Variants in RCAN2 observed in about 807,000 individuals in gnomAD.
The protein encoded by RCAN2 is calcipressin-2.
Under a neutral mutation model 23.6 loss-of-function variants are expected in RCAN2, and 9 were observed. The ratio of observed to expected loss-of-function variants is 0.38; its 90% CI spans 0.23 to 0.67. The LOEUF (loss-of-function observed/expected upper bound fraction) is 0.67. RCAN2 is among the 30% of genes least tolerant of loss of function. The pLI is 0.51. For missense variants in RCAN2, 273 were observed against 302.3 expected (o/e 0.90, Z 0.72); for synonymous variants, 109 against 115.7 (o/e 0.94, Z 0.37).
At chr6:46,441,766 C>T (rs1414121561) in intron 2 of RCAN2, among the ~76,000 whole-genome samples, 1 of 152,036 alleles carries the variant, frequency 6.6e-6, no homozygotes, top group Non-Finnish European at 1.5e-5. Flanking sequence ...AAATAAACTA[C>T]ACATGTTCTG....
At chr6:46,477,479 A>C (rs926698576) in intron 1 of RCAN2, among the ~76,000 whole-genome samples, 7 of 152,184 alleles carry the variant, frequency 4.6e-5, no homozygotes, top group Non-Finnish European at 1.0e-4. Flanking sequence ...GGGCTTTGGC[A>C]AGCTATTTAA....
intron 2 of RCAN2, among the ~76,000 whole-genome samples, chr6:46,356,426 T>C (rs371361708): frequency 8.3e-4 from 127 of 152,332 alleles, no homozygotes; most frequent in African/African-American, 2.9e-3. Flanking sequence ...TTGGACTTAT[T>C]GGTCTGGAGG....
chr6:46,424,027 C>A (rs1012998188), intron 2 of RCAN2, among the ~76,000 whole-genome samples: 6 of 152,152 alleles, frequency 3.9e-5, no homozygotes, highest in Non-Finnish European at 8.8e-5. Flanking sequence ...TGCGAGCTAA[C>A]CACTCTGTAC....
intron 2 of RCAN2, among the ~76,000 whole-genome samples, chr6:46,345,470 C>T (rs1056719387): frequency 1.3e-5 from 2 of 152,056 alleles, no homozygotes; most frequent in Admixed American, 6.5e-5. Context: ...CAGGTGTATA[C>T]AGAACATTTG....
intron 2 of RCAN2, among the ~76,000 whole-genome samples, chr6:46,403,981 G>C (rs887701211): frequency 1.3e-5 from 2 of 152,138 alleles, no homozygotes; most frequent in African/African-American, 4.8e-5. Flanking sequence ...CAACACTTTG[G>C]GAGGTCGAGG....
chr6:46,274,509 T>C (rs898201713), intron 2 of RCAN2, among the ~76,000 whole-genome samples: 5 of 151,824 alleles, frequency 3.3e-5, no homozygotes, highest in African/African-American at 1.2e-4. Flanking sequence ...TGTATGCTGA[T>C]GTAGGTCTCT....
chr6:46,237,818 G>A (rs1766158306), intron 4 of RCAN2, among the ~76,000 whole-genome samples: 1 of 152,162 alleles, frequency 6.6e-6, no homozygotes, highest in Non-Finnish European at 1.5e-5. Flanking sequence ...TGTCCAAGTT[G>A]TAAGGAAGCC....
chr6:46,290,853 CTT>C (rs1242139003), intron 2 of RCAN2, among the ~76,000 whole-genome samples: 2 of 152,236 alleles, frequency 1.3e-5, no homozygotes, highest in South Asian at 4.2e-4. Context: ...AGTAAAATGA[CTT>C]TGAGGAAATT....
intron 1 of RCAN2, among the ~76,000 whole-genome samples, chr6:46,473,812 G>A (rs908587344): frequency 2.0e-5 from 3 of 152,106 alleles, no homozygotes; most frequent in Non-Finnish European, 2.9e-5. Context: ...TTCTTTAGGG[G>A]CACTCTTCAT....
chr6:46,451,839 C>T (rs548199017), intron 2 of RCAN2, among the ~76,000 whole-genome samples: 1 of 152,270 alleles, frequency 6.6e-6, no homozygotes, highest in African/African-American at 2.4e-5. Context: ...AGGTCTTTCA[C>T]CACATGCCCA....
chr6:46,247,040 A>G, intron 3 of RCAN2, 121 bp from the exon 4 acceptor site: 1 of 762,778 alleles, frequency 1.3e-6, no homozygotes, highest in Non-Finnish European at 2.1e-6. Context: ...ACCCGACCGT[A>G]ATAATAATTA....
chr6:46,252,017 G>T (rs1316941397), intron 2 of RCAN2, among the ~76,000 whole-genome samples: 1 of 98,478 alleles, frequency 1.0e-5, no homozygotes, highest in African/African-American at 3.8e-5. Flanking sequence ...CATTTACTCA[G>T]CATGTCCTCT....
intron 2 of RCAN2, among the ~76,000 whole-genome samples, chr6:46,382,223 G>T (rs779351142): frequency 3.5e-4 from 53 of 152,082 alleles, no homozygotes; most frequent in Non-Finnish European, 3.4e-4. Context: ...TATACAATGG[G>T]AATACTAATA....
intron 2 of RCAN2, among the ~76,000 whole-genome samples, chr6:46,451,935 T>G (rs1003111499): frequency 6.6e-6 from 1 of 152,216 alleles, no homozygotes; most frequent in Non-Finnish European, 1.5e-5. Context: ...GATGTGTGTA[T>G]GTCTGTCTGT....
intron 2 of RCAN2, among the ~76,000 whole-genome samples, chr6:46,306,967 C>T (rs1763092383): frequency 1.3e-5 from 2 of 152,088 alleles, no homozygotes; most frequent in South Asian, 2.1e-4. Context: ...TTGCTAATTT[C>T]AGCCTATATC....
Position 46,443,213 on chromosome 6 carries a change from C to T in RCAN2, c.225+13539G>A, listed in dbSNP as rs577473969. Among the ~76,000 whole-genome samples, 123 of 152,234 alleles carry T rather than the reference C, an allele frequency of 8.1e-4. 1 individual carries two copies. Among genetic ancestry groups the T allele is most frequent in the Middle Eastern group, 3.4e-3 (1 of 294 alleles). ...TATTTTATGTCTAATTTAACTGTTA[C>T]CTGCTTTAATATTTAAAACTAATAT... On this transcript the variant is annotated intron_variant, in intron 2 of 4. Transcript: ENST00000371374.
chr6:46,445,222 T>G (rs1023370753), intron 2 of RCAN2, among the ~76,000 whole-genome samples: 3 of 152,150 alleles, frequency 2.0e-5, no homozygotes, highest in African/African-American at 7.2e-5. Context: ...GGCCTGTCCT[T>G]ATGGACATAG....
chr6:46,430,162 C>A (rs1282394340), intron 2 of RCAN2, among the ~76,000 whole-genome samples: 1 of 152,178 alleles, frequency 6.6e-6, no homozygotes, highest in Non-Finnish European at 1.5e-5. Context: ...AAGAGAGGAC[C>A]AGTCGCAGAC....
At chr6:46,322,399 G>T (rs1002560832) in intron 2 of RCAN2, among the ~76,000 whole-genome samples, 1 of 152,196 alleles carries the variant, frequency 6.6e-6, no homozygotes, top group Non-Finnish European at 1.5e-5. Context: ...AATTCCATTT[G>T]TCTGATTTCC....
Sources: allele counts gnomAD v4.1 joint callset (sites outside exome capture counted in the v4.1 genomes callset), GRCh38; gene constraint gnomAD v4.1.1; transcripts MANE v1.5; gene names NCBI Gene and HGNC (gene_info 2026-07-23, HGNC 2026-07-21).